RERE: variants seen among roughly 807,000 people sequenced by gnomAD.
The protein encoded by RERE is arginine-glutamic acid dipeptide repeats.
RERE carries 40 observed loss-of-function variants against 146.1 expected under a neutral mutation model. The ratio of observed to expected loss-of-function variants is 0.27; its 90% CI spans 0.21 to 0.36. RERE has a LOEUF of 0.36. RERE is among the 10% of genes least tolerant of loss of function. The pLI, the probability that RERE is intolerant of heterozygous loss-of-function variation, is 1.00. For missense variants in RERE, 1,933 were observed against 2,138.7 expected, an observed-to-expected ratio of 0.90 and a Z score of 1.90; for synonymous variants, 1,003 against 866.0, an observed-to-expected ratio of 1.16 and a Z score of -2.78.
intron 10 of RERE, among the ~76,000 whole-genome samples, chr1:8,486,983 T>C (rs945576447): frequency 2.6e-5 from 4 of 152,070 alleles, no homozygotes; most frequent in African/African-American, 7.2e-5. Context: ...AAACTCCTTA[T>C]TACAAAGAAG....
chr1:8,508,568 T>C, intron 8 of RERE, 59 bp downstream of exon 8: 1 of 1,236,390 alleles, frequency 8.1e-7, no homozygotes, highest in Admixed American at 1.8e-5. Flanking sequence ...CAGAATAAAG[T>C]GCCAGCAGAG....
At chr1:8,691,195 C>G (rs1259318884) in intron 1 of RERE, among the ~76,000 whole-genome samples, 2 of 152,084 alleles carry the variant, frequency 1.3e-5, no homozygotes. Context: ...CGTGCCCGGC[C>G]GGCCAAAATT....
intron 12 of RERE, among the ~76,000 whole-genome samples, chr1:8,409,591 T>C (rs1406996019): frequency 6.6e-6 from 1 of 152,200 alleles, no homozygotes; most frequent in African/African-American, 2.4e-5. Context: ...TCCAGAATTT[T>C]TGTTTATGAG....
chr1:8,540,050 TA>T (rs765111083), intron 7 of RERE, among the ~76,000 whole-genome samples: 14 of 152,164 alleles, frequency 9.2e-5, no homozygotes, highest in Non-Finnish European at 1.8e-4. Flanking sequence ...GTTCTTTTGC[TA>T]ACTTCTTTGA....
intron 11 of RERE, among the ~76,000 whole-genome samples, chr1:8,441,252 G>A (rs1192050601): frequency 6.6e-6 from 1 of 152,098 alleles, no homozygotes; most frequent in Non-Finnish European, 1.5e-5. Context: ...ACCATAGTCC[G>A]CAAAATGGGA....
chr1:8,706,113 C>CCAA (rs1260307327), intron 1 of RERE, among the ~76,000 whole-genome samples: 3 of 69,190 alleles, frequency 4.3e-5, no homozygotes, highest in African/African-American at 1.8e-4. Flanking sequence ...ACTCCGTCTC[C>CCAA]AAAAAAAAAA....
intron 7 of RERE, among the ~76,000 whole-genome samples, chr1:8,527,177 G>A (rs941756185): frequency 2.0e-5 from 3 of 152,080 alleles, no homozygotes; most frequent in Admixed American, 6.5e-5. Flanking sequence ...TTATCCTGCC[G>A]ATAATGTAAT....
At chr1:8,406,484 G>A (rs1038130009) in intron 12 of RERE, among the ~76,000 whole-genome samples, 5 of 152,160 alleles carry the variant, frequency 3.3e-5, no homozygotes, top group South Asian at 2.1e-4. Context: ...TGGTTCATGT[G>A]GGGGGAAAAC....
intron 12 of RERE, among the ~76,000 whole-genome samples, chr1:8,372,547 A>C (rs1016178690): frequency 2.2e-5 from 1 of 45,732 alleles, no homozygotes; most frequent in Non-Finnish European, 4.8e-5. Flanking sequence ...TGTGTGTTTT[A>C]AATTAAGCCA....
At chr1:8,591,031 C>A (rs994589177) in intron 4 of RERE, among the ~76,000 whole-genome samples, 5 of 152,188 alleles carry the variant, frequency 3.3e-5, no homozygotes, top group African/African-American at 1.2e-4. Context: ...ATGTTAAGAA[C>A]TGAGCACAAG....
chr1:8,795,534 CAGCTAAGGA>C (rs917934076), intron 1 of RERE, among the ~76,000 whole-genome samples: 1 of 152,154 alleles, frequency 6.6e-6, no homozygotes, highest in African/African-American at 2.4e-5. Context: ...CCCTATTTGA[CAGCTAAGGA>C]AGTAGGGCAC....
intron 1 of RERE, among the ~76,000 whole-genome samples, chr1:8,732,116 C>A (rs1265939904): frequency 6.6e-6 from 1 of 152,160 alleles, no homozygotes; most frequent in African/African-American, 2.4e-5. Context: ...AAAAGCTAAA[C>A]ATAATCTTAC....
In RERE at chr1:8,360,715, G is replaced by A. The variant is rs1466398738; in HGVS notation, c.2792C>T (p.Pro931Leu). The change falls in exon 18 of 23, where the codon CCG becomes CTG. Residue 931 changes from proline to leucine, a missense_variant. Pro to Leu is a moderately conservative substitution (Grantham distance 98, BLOSUM62 -3). Around this residue, in one of 11 missense-constraint regions of RERE, gnomAD observed 1,255 missense variants for 1,153.8 expected, o/e 1.09. Transcript: ENST00000400908. ...CAGCTGGGGGATGGGAGTGGTAGGC[G>A]GGGGCTTGATGTGGGGCATGGCCAA... ...APLAMPHIKP[P>L]PTTPIPQLPA... is the part of the protein sequence containing the mutation. 6 of 1,582,890 alleles carry A rather than the reference G, an allele frequency of 3.8e-6. No homozygotes were observed. The highest frequency in any genetic ancestry group is 1.4e-5 in the African/African-American group (1 of 73,854).
At chr1:8,812,913 A>G (rs890115498) in intron 1 of RERE, among the ~76,000 whole-genome samples, 1 of 152,152 alleles carries the variant, frequency 6.6e-6, no homozygotes, top group Non-Finnish European at 1.5e-5. Flanking sequence ...TCTAACACAT[A>G]TTTAAAATGC....
chr1:8,623,755 T>C (rs1052646055), intron 3 of RERE, among the ~76,000 whole-genome samples: 33 of 152,214 alleles, frequency 2.2e-4, no homozygotes, highest in African/African-American at 7.7e-4. Context: ...ACAGTAGCTA[T>C]GTCCTTACTT....
intron 6 of RERE, among the ~76,000 whole-genome samples, chr1:8,555,802 T>C (rs1321354759): frequency 5.3e-5 from 8 of 152,346 alleles, no homozygotes; most frequent in Admixed American, 3.9e-4. Context: ...GGTCATTTTT[T>C]TGACATAATT....
rs191110981 is a variant in RERE at position 8,651,032 on chromosome 1, G to A, written c.325+4941C>T. Among the ~76,000 whole-genome samples, 12 of 152,214 alleles carry A rather than the reference G, an allele frequency of 7.9e-5. No homozygotes were observed. The East Asian group carries it at 2.1e-3, about 27-fold the overall frequency. On this transcript the variant is annotated intron_variant, in intron 2 of 22. Transcript: ENST00000400908. ...GAATTGCTTGAACCCAGGAGGCAGA[G>A]GTTGCAGTGAGTTGAGATCTCACAA...
chr1:8,659,861 C>T (rs1275523746), intron 1 of RERE, among the ~76,000 whole-genome samples: 2 of 152,194 alleles, frequency 1.3e-5, no homozygotes, highest in Non-Finnish European at 2.9e-5. Flanking sequence ...ACTACAAAAT[C>T]ATACACTGTT....
chr1:8,659,176 C>T (rs981445633), intron 1 of RERE, among the ~76,000 whole-genome samples: 7 of 152,230 alleles, frequency 4.6e-5, no homozygotes, highest in African/African-American at 1.7e-4. Flanking sequence ...TGGTAGGCTA[C>T]TAGTGCTAGC....
Sources: allele counts gnomAD v4.1 joint callset (sites outside exome capture counted in the v4.1 genomes callset), GRCh38; gene constraint gnomAD v4.1.1; regional missense constraint gnomAD v4.1.1; transcripts MANE v1.5; gene names NCBI Gene and HGNC (gene_info 2026-07-23, HGNC 2026-07-21).